The following AAK1 variants were observed in gnomAD, a reference collection of about 807,000 sequenced individuals.
The protein encoded by AAK1 is AP2 associated kinase 1, also known as AP2-associated protein kinase 1.
In AAK1, 37 loss-of-function variants were observed where a neutral mutation model predicts 116.0. That is an observed-to-expected ratio of 0.32 (90% CI 0.25 to 0.42). The LOEUF (loss-of-function observed/expected upper bound fraction) is 0.42, where lower values mean the gene tolerates loss of function less well. AAK1 is among the 10% of genes least tolerant of loss of function. The pLI is 1.00. For synonymous variants in AAK1, 458 were observed against 439.9 expected (o/e 1.04, Z -0.51); for missense variants, 919 against 1,170.6 (o/e 0.79, Z 3.14).
intron 2 of AAK1, among the ~76,000 whole-genome samples, chr2:69,619,857 G>A: frequency 6.6e-6 from 1 of 152,198 alleles, no homozygotes; most frequent in Non-Finnish European, 1.5e-5. Flanking sequence ...TGGATAGAGA[G>A]CAATAACCAG....
intron 2 of AAK1, among the ~76,000 whole-genome samples, chr2:69,602,857 GCTTC>G (rs1673639348): frequency 6.6e-6 from 1 of 152,190 alleles, no homozygotes; most frequent in Non-Finnish European, 1.5e-5. Flanking sequence ...AATATGAAAC[GCTTC>G]CTCATTTATT....
At chr2:69,555,120 A>ACTC (rs1671337967) in intron 3 of AAK1, among the ~76,000 whole-genome samples, 1 of 152,238 alleles carries the variant, frequency 6.6e-6, no homozygotes, top group Non-Finnish European at 1.5e-5. Flanking sequence ...AGCGTGTGAG[A>ACTC]GCTGAACAAG....
intron 9 of AAK1, among the ~76,000 whole-genome samples, chr2:69,526,009 G>A (rs560034947): frequency 2.8e-4 from 42 of 152,126 alleles, no homozygotes; most frequent in Admixed American, 7.9e-4. Flanking sequence ...GTTTCCAGGT[G>A]GGGGGAGATT....
intron 2 of AAK1, among the ~76,000 whole-genome samples, chr2:69,584,910 C>T (rs1672699358): frequency 1.3e-5 from 2 of 152,162 alleles, no homozygotes; most frequent in Non-Finnish European, 2.9e-5. Flanking sequence ...CTCTAAAAAT[C>T]ACTGTTCCCT....
intron 2 of AAK1, among the ~76,000 whole-genome samples, chr2:69,558,913 T>C (rs1671508988): frequency 6.6e-6 from 1 of 152,344 alleles, no homozygotes; most frequent in South Asian, 2.1e-4. Context: ...GCTGTATCTT[T>C]ACATAGTTAT....
At chr2:69,575,930 T>G (rs778363473) in intron 2 of AAK1, among the ~76,000 whole-genome samples, 8 of 152,226 alleles carry the variant, frequency 5.3e-5, no homozygotes, top group Non-Finnish European at 1.0e-4. Flanking sequence ...TTAATTTGTT[T>G]CTTGCTTACT....
At chr2:69,522,753 A>G (rs1339835740) in intron 10 of AAK1, among the ~76,000 whole-genome samples, 1 of 151,968 alleles carries the variant, frequency 6.6e-6, no homozygotes, top group Non-Finnish European at 1.5e-5. Flanking sequence ...GCAGTGAGCC[A>G]AGATCACGCC....
chr2:69,521,565 C>T (rs1008481514), intron 10 of AAK1, among the ~76,000 whole-genome samples: 5 of 152,178 alleles, frequency 3.3e-5, no homozygotes, highest in African/African-American at 1.2e-4. Flanking sequence ...ACAGAAACTC[C>T]ATTTCTTCCA....
chr2:69,484,807 G>A (rs570967227), intron 17 of AAK1, among the ~76,000 whole-genome samples: 3 of 151,790 alleles, frequency 2.0e-5, no homozygotes, highest in East Asian at 1.9e-4. Context: ...CTCAGGAGGC[G>A]GAGGCTGCAC....
Position 69,466,603 on chromosome 2 carries a change from T to C in AAK1, c.*9266A>G. 5 of 1,127,918 alleles carry C rather than the reference T, an allele frequency of 4.4e-6. No homozygotes were observed. Among genetic ancestry groups the C allele is most frequent in the Non-Finnish European group, 5.5e-6 (5 of 909,238 alleles). The allele number at this position is 1,127,918 out of a possible 1,614,324, so 69.9% of individuals were successfully genotyped here. A position where few individuals can be genotyped will look rare whatever the true frequency, so the allele number is the denominator to read the frequency against. On this transcript the variant is annotated 3_prime_UTR_variant, in exon 22 of 22. Transcript: ENST00000409085. ...ATGTGTAGGTCAATTCAACTCTATT[T>C]GGAACATTTAATGGTCAACCCGCGG...
Position 69,466,222 on chromosome 2 carries a change from C to A in AAK1, c.*9647G>T. 1.6e-6 allele frequency: 2 copies of A among 1,289,806 alleles called. No individual in the cohort carries two copies. Among genetic ancestry groups the A allele is most frequent in the Non-Finnish European group, 2.0e-6 (2 of 988,876 alleles). 79.9% of individuals were successfully genotyped at this position (1,289,806 alleles called of 1,614,324 possible). On this transcript the variant is annotated 3_prime_UTR_variant, in exon 22 of 22. Transcript: ENST00000409085. The stretch of plus-strand genomic sequence containing the variant: ...GTCTTTGCTTGCTCAGGAGAGACTT[C>A]TGGTGGAGCGAATGGAACGGCTCCT...
chr2:69,633,277 G>A (rs1393394050), intron 2 of AAK1, among the ~76,000 whole-genome samples: 3 of 150,248 alleles, frequency 2.0e-5, no homozygotes, highest in Admixed American at 6.6e-5. Context: ...AGAGGTCCCA[G>A]AAAGCAGCAG....
chr2:69,524,412 T>TTTTTGTTTTG (rs72095421), intron 10 of AAK1, among the ~76,000 whole-genome samples: 133 of 148,686 alleles, frequency 8.9e-4, no homozygotes, highest in African/African-American at 2.4e-3. Flanking sequence ...CAACATTCTT[T>TTTTTGTTTTG]TTTTGTTTTG....
chr2:69,536,509 A>G (rs1463467584), intron 5 of AAK1, among the ~76,000 whole-genome samples: 1 of 152,178 alleles, frequency 6.6e-6, no homozygotes, highest in African/African-American at 2.4e-5. Flanking sequence ...ACAGTCGTAC[A>G]CCACCTTCTG....
In AAK1 at chr2:69,468,446, C is replaced by T; in HGVS notation, c.*7423G>A. 1.0e-6 allele frequency: 1 copy of T among 985,416 alleles called. No homozygotes were observed. The highest frequency in any genetic ancestry group is 1.2e-6 in the Non-Finnish European group (1 of 829,924). 61.0% of individuals were successfully genotyped at this position (985,416 alleles called of 1,614,324 possible). On this transcript the variant is annotated 3_prime_UTR_variant, in exon 22 of 22. Transcript: ENST00000409085. ...CATAGTATCAGTTGGACAAAGTTTT[C>T]AGTTGCCAAAACAAAAGCACAATTT...
chr2:69,585,144 T>C (rs1672709184), intron 2 of AAK1, among the ~76,000 whole-genome samples: 1 of 152,244 alleles, frequency 6.6e-6, no homozygotes, highest in South Asian at 2.1e-4. Flanking sequence ...CAAGCTTTAA[T>C]CGAGGATTAT....
At chr2:69,520,043 T>C in intron 11 of AAK1, 1 of 219,306 alleles carries the variant, frequency 4.6e-6, no homozygotes, top group Non-Finnish European at 9.8e-6. Flanking sequence ...AAGCAGGCAT[T>C]TTTGTAGGCT....
intron 2 of AAK1, among the ~76,000 whole-genome samples, chr2:69,585,186 C>T (rs1013717108): frequency 8.5e-5 from 13 of 152,142 alleles, no homozygotes; most frequent in African/African-American, 3.1e-4. Context: ...AAGGAGAGAT[C>T]TATAATCTCC....
chr2:69,470,822 T>C lies in AAK1; in HGVS notation c.*5047A>G. ...CTTGTGCCCAGGTACTTATTGTCAC[T>C]CAATACTGTGATTAAATCCTTTCTG... On this transcript the variant is annotated 3_prime_UTR_variant, in exon 22 of 22. Coordinates refer to ENST00000409085, the MANE Select transcript of AAK1 (RefSeq NM_014911.5). The C allele has an allele frequency of 1.0e-6, 1 of 985,842 alleles. No homozygotes were observed. The highest frequency in any genetic ancestry group is 1.2e-6 in the Non-Finnish European group (1 of 829,918). The allele number at this position is 985,842 out of a possible 1,614,324, so 61.1% of individuals were successfully genotyped here.
Sources: gnomAD v4.1 joint callset for allele counts (sites outside exome capture counted in the v4.1 genomes callset) on GRCh38, gnomAD v4.1.1 for gene constraint, MANE v1.5 for transcripts, NCBI Gene and HGNC (gene_info 2026-07-23, HGNC 2026-07-21) for gene names.